C1orf141: variants seen among roughly 807,000 people sequenced by gnomAD.
C1orf141 encodes the protein uncharacterized protein C1orf141.
A neutral mutation model predicts 23.2 loss-of-function variants in C1orf141; 19 were observed. The observed-to-expected ratio is 0.82, with a 90% CI of 0.57 to 1.20. The LOEUF (loss-of-function observed/expected upper bound fraction) is 1.20. Ranked by LOEUF, C1orf141 falls within the 50% of genes most tolerant of loss-of-function variation. The pLI is 0.00. For synonymous variants in C1orf141, 153 were observed against 154.6 expected (o/e 0.99, Z 0.08); for missense variants, 469 against 455.1 (o/e 1.03, Z -0.28).
At chr1:67,130,653 G>T (rs769365426) in intron 2 of C1orf141, among the ~76,000 whole-genome samples, 37 of 152,040 alleles carry the variant, frequency 2.4e-4, no homozygotes, top group Non-Finnish European at 4.7e-4. Context: ...AAATTATTTG[G>T]CTATGAATGA....
At chr1:67,136,017 T>TA (rs1439447799), upstream of C1orf141, among the ~76,000 whole-genome samples, 1 of 151,534 alleles carries the variant, frequency 6.6e-6, no homozygotes, top group Non-Finnish European at 1.5e-5. Flanking sequence ...TTCAAATATT[T>TA]AAAAAACAAA....
At chr1:67,095,672 C>T (rs561167552) in intron 6 of C1orf141, 7 of 343,152 alleles carry the variant, frequency 2.0e-5, no homozygotes, top group African/African-American at 6.3e-5. Flanking sequence ...TGTATTATTA[C>T]GTAGGTTGAG....
intron 5 of C1orf141, among the ~76,000 whole-genome samples, chr1:67,113,018 C>T (rs866658071): frequency 1.9e-4 from 29 of 152,118 alleles, no homozygotes; most frequent in African/African-American, 6.0e-4. Context: ...CTTGCTCTGT[C>T]GCCCAGGCTG....
chr1:67,139,701 G>A (rs1367534100), upstream of C1orf141, among the ~76,000 whole-genome samples: 6 of 152,216 alleles, frequency 3.9e-5, no homozygotes, highest in Admixed American at 1.3e-4. Context: ...TGAGAGGTGA[G>A]GCCTTAATTT....
chr1:67,119,440 T>C (rs1646258442), intron 4 of C1orf141, among the ~76,000 whole-genome samples: 1 of 152,194 alleles, frequency 6.6e-6, no homozygotes, highest in South Asian at 2.1e-4. Flanking sequence ...TTCCTACTGA[T>C]GTTTATAGTA....
At chr1:67,137,255 T>C (rs191571347), upstream of C1orf141, among the ~76,000 whole-genome samples, 1 of 152,312 alleles carries the variant, frequency 6.6e-6, no homozygotes, top group East Asian at 1.9e-4. Context: ...AGGGTTATAG[T>C]TTATTACAGG....
intron 1 of C1orf141, among the ~76,000 whole-genome samples, chr1:67,140,288 C>CA (rs559765149): frequency 6.6e-6 from 1 of 151,582 alleles, no homozygotes; most frequent in Non-Finnish European, 1.5e-5. Flanking sequence ...TTCTGTATGT[C>CA]AAAAAAAGTC....
At chr1:67,122,494 T>C (rs1272772746) in intron 4 of C1orf141, 1 of 152,240 alleles carries the variant, frequency 6.6e-6, no homozygotes, top group Non-Finnish European at 1.5e-5. Flanking sequence ...CTGAGAACTG[T>C]TCCACCTTTG....
rs147443641 is a variant in C1orf141, at chr1:67,140,480, G to A, written c.-103-9253C>T. Among the ~76,000 whole-genome samples the A allele has an allele frequency of 2.8e-3, 427 of 152,174 alleles. 4 individuals carry two copies. Among genetic ancestry groups the A allele is most frequent in the African/African-American group, 9.8e-3 (406 of 41,520 alleles). ...ATATTTGATGTTCAATGACATAGTC[G>A]AAGTCATGTACATTAAGCCAATAAA... On this transcript the variant is annotated intron_variant, in intron 1 of 7. Transcript: ENST00000371007.
Position 67,093,208 on chromosome 1 carries a change from T to A in C1orf141, c.1000A>T (p.Lys334Ter), listed in dbSNP as rs1010557883. ...LTKQFVGYLD[K>*]AVIHEMSAQT... The stretch of plus-strand genomic sequence containing the variant: ...GCACTCATTTCATGAATAACAGCTT[T>A]ATCAAGGTAACCCACAAATTGTTTT... The change falls in exon 8 of 8, where the codon AAA (lysine) becomes TAA (stop). Residue 334 changes from lysine (K) to a stop codon, truncating the protein, a stop_gained. Coordinates refer to ENST00000684719, the MANE Select transcript of C1orf141 (RefSeq NM_001276351.2). LOFTEE classifies it low-confidence loss of function (END_TRUNC). 20 of 1,613,788 alleles carry A rather than the reference T, an allele frequency of 1.2e-5. No homozygotes were observed. The highest frequency in any genetic ancestry group is 1.7e-6 in the Non-Finnish European group (2 of 1,179,848).
intron 1 of C1orf141, among the ~76,000 whole-genome samples, chr1:67,132,278 A>C (rs7518757): frequency 6.6e-6 from 1 of 151,774 alleles, no homozygotes; most frequent in East Asian, 2.0e-4. Context: ...CCAGCACTTC[A>C]GGAAGCTGAG....
At chr1:67,123,882 C>T (rs1646351223) in intron 4 of C1orf141, 1 of 152,200 alleles carries the variant, frequency 6.6e-6, no homozygotes, top group Non-Finnish European at 1.5e-5. Context: ...TAAATCCCAG[C>T]CCTTCTCACT....
chr1:67,099,115 T>G (rs967092344), intron 5 of C1orf141, among the ~76,000 whole-genome samples: 4 of 152,178 alleles, frequency 2.6e-5, no homozygotes, highest in African/African-American at 4.8e-5. Flanking sequence ...AGAAGTGTAT[T>G]TCAAGGATTG....
At chr1:67,135,054 G>T (rs1021087531), upstream of C1orf141, 2 of 152,006 alleles carry the variant, frequency 1.3e-5, no homozygotes, top group Admixed American at 6.6e-5. Context: ...CCTCTGAAAG[G>T]CCTAGAGAGC....
intron 5 of C1orf141, among the ~76,000 whole-genome samples, chr1:67,098,249 A>G (rs1645727657): frequency 6.6e-6 from 1 of 152,212 alleles, no homozygotes; most frequent in South Asian, 2.1e-4. Flanking sequence ...TGCCAGGTGC[A>G]GTGGCTCACA....
chr1:67,099,771 T>C (rs1338004182), intron 5 of C1orf141, among the ~76,000 whole-genome samples: 2 of 152,148 alleles, frequency 1.3e-5, no homozygotes, highest in Non-Finnish European at 2.9e-5. Context: ...AGTGAAACTC[T>C]GTCTCAAAAG....
intron 5 of C1orf141, among the ~76,000 whole-genome samples, chr1:67,105,111 G>T (rs1041047286): frequency 9.2e-5 from 14 of 152,054 alleles, no homozygotes; most frequent in Non-Finnish European, 1.8e-4. Context: ...TGGATCACCT[G>T]AGGTCAGGAG....
chr1:67,128,455 G>C (rs1023782645), intron 2 of C1orf141, among the ~76,000 whole-genome samples: 5 of 152,070 alleles, frequency 3.3e-5, no homozygotes, highest in Non-Finnish European at 7.3e-5. Flanking sequence ...TGTAATCCCA[G>C]CACTTTGGGA....
chr1:67,132,335 A>G (rs1570740319), intron 1 of C1orf141, among the ~76,000 whole-genome samples: 1 of 151,902 alleles, frequency 6.6e-6, no homozygotes. Context: ...CCTGGCCAAC[A>G]TGGTGAAACC....
Sources: allele counts gnomAD v4.1 joint callset (sites outside exome capture counted in the v4.1 genomes callset), GRCh38; gene constraint gnomAD v4.1.1; transcripts MANE v1.5; gene names NCBI Gene and HGNC (gene_info 2026-07-23, HGNC 2026-07-21).